The following CFAP65 variants were observed in gnomAD, a reference collection of about 807,000 sequenced individuals.
CFAP65 encodes the protein cilia- and flagella-associated protein 65.
In CFAP65, 155 loss-of-function variants were observed where a neutral mutation model predicts 208.0. The observed-to-expected ratio is 0.75, with a 90% CI of 0.65 to 0.85. The LOEUF is 0.85. Among genes scored for constraint, CFAP65 ranks in the 40% least tolerant of loss-of-function variants. CFAP65 has a pLI of 0.00. For missense variants in CFAP65, 2,294 were observed against 2,451.3 expected, an observed-to-expected ratio of 0.94 and a Z score of 1.36; for synonymous variants, 970 against 986.3, an observed-to-expected ratio of 0.98 and a Z score of 0.31.
Position 219,004,494 on chromosome 2 carries a change from G to A in CFAP65, c.5052-39C>T. ...AGAAGGAGAAGGCCCTTGCTGAGGG[G>A]CCCTGAAGCCCCTGGGGAGCCCTGG... On this transcript the variant is annotated intron_variant, in intron 32 of 34. Coordinates refer to ENST00000341552, the MANE Select transcript of CFAP65 (RefSeq NM_194302.4). The surrounding 1 kb of genome is among the most constrained non-coding windows in gnomAD (Gnocchi z 4.7). The A allele has an allele frequency of 1.3e-6, 2 of 1,557,132 alleles. No individual in the cohort carries two copies. Among genetic ancestry groups the A allele is most frequent in the Non-Finnish European group, 1.7e-6 (2 of 1,155,634 alleles).
intron 19 of CFAP65, among the ~76,000 whole-genome samples, 199 bp downstream of exon 19, chr2:219,020,953 C>G (rs1173011997): frequency 6.6e-6 from 1 of 152,204 alleles, no homozygotes; most frequent in African/African-American, 2.4e-5. Flanking sequence ...TTGCACTGGG[C>G]ACATGCACAT....
chr2:219,005,714 A>G, intron 31 of CFAP65, 152 bp from the exon 32 acceptor site: 3 of 905,232 alleles, frequency 3.3e-6, no homozygotes, highest in Non-Finnish European at 5.0e-6. Flanking sequence ...CTGGGTTCAG[A>G]GAACCAAGCT....
In CFAP65 at chr2:219,004,367, G is replaced by A; in HGVS notation, c.5140C>T (p.Gln1714Ter). ...TTCTGGTCCATGAACTTAGTTGACT[G>A]CTCATTCCAGAATTGGCGGAAGTAC... ...VPYFRQFWNE[Q>*]STKFMDQKNS... The change falls in exon 33 of 35, where the codon CAG (glutamine) becomes TAG (stop). Residue 1714 changes from glutamine to a stop codon, truncating the protein, a stop_gained. Coordinates refer to ENST00000341552, the MANE Select transcript of CFAP65 (RefSeq NM_194302.4). LOFTEE classifies it high-confidence loss of function. This position sits in a 1 kb window ranked among gnomAD's most constrained non-coding sequence, Gnocchi z 4.7. 10 of 1,614,102 alleles carry A rather than the reference G, an allele frequency of 6.2e-6. No individual in the cohort carries two copies. Among genetic ancestry groups the A allele is most frequent in the Non-Finnish European group, 8.5e-6 (10 of 1,180,040 alleles).
rs1371132969 is a variant in CFAP65 at position 219,031,720 on chromosome 2, CG to C, written c.646-63del. The C allele has an allele frequency of 3.3e-6, 5 of 1,538,028 alleles. No homozygotes were observed. The East Asian group carries it at 1.1e-4, about 35-fold the overall frequency. On this transcript the variant is annotated intron_variant, in intron 6 of 34. Transcript: ENST00000341552. The surrounding 1 kb of genome is among the most constrained non-coding windows in gnomAD (Gnocchi z 5.2). Reference sequence around the variant, plus strand: ...AGTGGCATTCAGGGACTGCACATCCCGCCCACCCTCAGCCACCCCCAACACA... The same window carrying C: ...AGTGGCATTCAGGGACTGCACATCCCCCCACCCTCAGCCACCCCCAACACA...
intron 18 of CFAP65, 30 bp downstream of exon 18, chr2:219,021,750 T>A (rs1947276125): frequency 6.2e-7 from 1 of 1,611,078 alleles, no homozygotes; most frequent in African/African-American, 1.3e-5. Flanking sequence ...CCACCTCCCC[T>A]GGCCCCAGTC....
Position 219,006,034 on chromosome 2 carries a change from G to A in CFAP65, c.4909C>T (p.His1637Tyr), listed in dbSNP as rs1249232061. Residue 1637 changes from histidine (H) to tyrosine (Y), a missense_variant, in exon 31 of 35, where the codon CAC becomes TAC. His to Tyr is a moderately conservative substitution (Grantham distance 83, BLOSUM62 2). This residue lies in a region of CFAP65 where 1,427 missense variants were observed against 1,438.7 expected (regional missense o/e 0.99). Transcript: ENST00000341552. The part of the protein sequence containing the change: ...LANFFSEFPC[H>Y]FLHRELPKRK... ...CCAAGAGCTTACCGGTGCAAAAAGT[G>A]GCAGGGAAACTCTGAGAAGAAGTTA... 2 of 1,613,204 alleles carry A rather than the reference G, an allele frequency of 1.2e-6. No homozygotes were observed. The highest frequency in any genetic ancestry group is 8.5e-7 in the Non-Finnish European group (1 of 1,180,014).
Position 219,030,761 on chromosome 2 carries a change from C to T in CFAP65, c.1089G>A (p.Lys363=), listed in dbSNP as rs1574634625. ...PEDQDAEGFQ[K]LLYFGSVAVG... is the part of the protein sequence containing the mutation. Reference sequence around the variant, plus strand: ...CAGCAACAGAGCCAAAGTACAACAGCTTCTGGAAGCCCTCGGCATCCTGGT... The same window carrying T: ...CAGCAACAGAGCCAAAGTACAACAGTTTCTGGAAGCCCTCGGCATCCTGGT... The change falls in exon 9 of 35, where the codon AAG becomes AAA. Residue 363 remains lysine, a synonymous_variant. Coordinates refer to ENST00000341552, the MANE Select transcript of CFAP65 (RefSeq NM_194302.4). 1.2e-6 allele frequency: 2 copies of T among 1,614,208 alleles called. No individual in the cohort carries two copies. The highest frequency in any genetic ancestry group is 1.7e-6 in the Non-Finnish European group (2 of 1,180,024).
Position 219,004,468 on chromosome 2 carries a change from GAGA to G in CFAP65, c.5052-16_5052-14del. The G allele has an allele frequency of 6.3e-7, 1 of 1,590,890 alleles. No homozygotes were observed. Among genetic ancestry groups the G allele is most frequent in the African/African-American group, 1.3e-5 (1 of 74,636 alleles). On this transcript the variant is annotated splice_polypyrimidine_tract_variant and intron_variant, in intron 32 of 34. Coordinates refer to ENST00000341552, the MANE Select transcript of CFAP65 (RefSeq NM_194302.4). The surrounding 1 kb of genome is among the most constrained non-coding windows in gnomAD (Gnocchi z 4.7). ...TTCCAGCAGGCCCCTAGGTGGCAGG[GAGA>G]AGGAGAAGGCCCTTGCTGAGGGGCC... is the stretch of plus-strand genomic sequence containing the variant.
intron 4 of CFAP65, among the ~76,000 whole-genome samples, chr2:219,036,594 G>A (rs1026733069): frequency 6.6e-5 from 10 of 152,002 alleles, no homozygotes; most frequent in African/African-American, 1.9e-4. Flanking sequence ...ACAGGCACCC[G>A]CCATCATGCC....
intron 4 of CFAP65, among the ~76,000 whole-genome samples, chr2:219,037,401 A>AAAAC (rs575644999): frequency 5.9e-5 from 9 of 152,330 alleles, no homozygotes; most frequent in Admixed American, 1.3e-4. Flanking sequence ...CAAAAAAAGA[A>AAAAC]AAACAAACAA....
At chr2:219,021,468 T>C (rs757768950) in intron 18 of CFAP65, among the ~76,000 whole-genome samples, 188 bp from the exon 19 acceptor site, 1 of 152,130 alleles carries the variant, frequency 6.6e-6, no homozygotes, top group Non-Finnish European at 1.5e-5. Context: ...CATTGGCACC[T>C]GCTAAGCACT....
chr2:219,022,328 G>T lies in CFAP65; in HGVS notation c.2822C>A (p.Thr941Lys). Reference sequence around the variant, plus strand: ...CAAAGGGCTGAAGGTCCACGTCAGCGTCTGGGGTCACAGAAATGATCCCTG... The same window carrying T: ...CAAAGGGCTGAAGGTCCACGTCAGCTTCTGGGGTCACAGAAATGATCCCTG... Reference protein sequence around the residue: ...RGLIQPNERLTLTWTFSPLEE... With the variant: ...RGLIQPNERLKLTWTFSPLEE... Residue 941 changes from threonine (T) to lysine (K), a missense_variant and splice_region_variant, in exon 17 of 35, where the codon ACG (threonine) becomes AAG (lysine). Physicochemically the swap from Thr to Lys is moderately conservative, Grantham distance 78. Transcript: ENST00000341552. The T allele has an allele frequency of 2.5e-6, 4 of 1,595,936 alleles. No individual in the cohort carries two copies. The highest frequency in any genetic ancestry group is 3.4e-6 in the Non-Finnish European group (4 of 1,171,352).
intron 24 of CFAP65, among the ~76,000 whole-genome samples, chr2:219,011,270 C>CTTTTTTTT (rs528817484): frequency 1.8e-4 from 19 of 107,094 alleles, no homozygotes; most frequent in South Asian, 3.2e-4. Context: ...CTTTTTCTTT[C>CTTTTTTTT]TTTTTTTTTT....
intron 21 of CFAP65, chr2:219,018,706 C>A: frequency 3.6e-6 from 1 of 274,122 alleles, no homozygotes; most frequent in Non-Finnish European, 7.0e-6. Context: ...AGGAGTTTCC[C>A]ACAGGATTGG....
At chr2:219,006,291 T>C (rs1945974867) in intron 30 of CFAP65, 68 bp from the exon 31 acceptor site, 2 of 1,526,718 alleles carry the variant, frequency 1.3e-6, no homozygotes, top group Non-Finnish European at 1.8e-6. Flanking sequence ...ATGGGGTCCC[T>C]TGACCTAGTT....
rs367544587 is a variant in CFAP65 at position 219,028,166 on chromosome 2, A to G, written c.1851+35T>C. 3.7e-6 allele frequency: 6 copies of G among 1,608,170 alleles called. No individual in the cohort carries two copies. The East Asian group carries it at 8.9e-5, about 24-fold the overall frequency. On this transcript the variant is annotated intron_variant, in intron 12 of 34. Transcript: ENST00000341552. ...GGCATGGGATTGCCCAAGAATCACT[A>G]GAGAAGGGATATGCAGCTGGGGAGG...
rs2106089198 is a variant in CFAP65, at chr2:219,009,614, GATGGA to G, written c.4453-159_4453-155del. Reference sequence around the variant, plus strand: ...GACAAGATGGGATGGGATGGGACAAGATGGAATGGGATGGGATGGGATGGGATGGG... The same window carrying G: ...GACAAGATGGGATGGGATGGGACAAGATGGGATGGGATGGGATGGGATGGG... On this transcript the variant is annotated intron_variant, in intron 27 of 34. Transcript: ENST00000341552. Among the ~76,000 whole-genome samples the G allele has an allele frequency of 3.7e-5, 5 of 133,690 alleles. No individual in the cohort carries two copies. The South Asian group carries it at 1.2e-3, about 32-fold the overall frequency. The allele number at this position is 133,690 out of a possible 152,430, so 87.7% of individuals were successfully genotyped here.
At chr2:219,040,119 C>A (rs990603782) in intron 2 of CFAP65, among the ~76,000 whole-genome samples, 1 of 152,184 alleles carries the variant, frequency 6.6e-6, no homozygotes, top group Non-Finnish European at 1.5e-5. Context: ...CTGCAACCTC[C>A]ACCTCCCAGG....
intron 18 of CFAP65, 28 bp from the exon 19 acceptor site, chr2:219,021,308 GT>G: frequency 6.5e-7 from 1 of 1,535,536 alleles, no homozygotes; most frequent in Non-Finnish European, 8.8e-7. Flanking sequence ...CGGAGGGTCA[GT>G]GGGTAGAGGA....
Sources: gnomAD v4.1 joint callset for allele counts (sites outside exome capture counted in the v4.1 genomes callset) on GRCh38, gnomAD v4.1.1 for gene constraint, gnomAD v4.1.1 regional missense constraint, Gnocchi (gnomAD v3.1) non-coding constraint, MANE v1.5 for transcripts, NCBI Gene and HGNC (gene_info 2026-07-23, HGNC 2026-07-21) for gene names.